PLAT: variants seen among roughly 807,000 people sequenced by gnomAD.
PLAT encodes tissue-type plasminogen activator.
PLAT carries 48 observed loss-of-function variants against 74.9 expected under a neutral mutation model. The observed-to-expected ratio is 0.64, with a 90% CI of 0.51 to 0.82. The LOEUF (loss-of-function observed/expected upper bound fraction) is 0.82. PLAT is among the 40% of genes least tolerant of loss of function. The pLI is 0.00. For synonymous variants in PLAT, 307 were observed against 294.4 expected (o/e 1.04, Z -0.44); for missense variants, 673 against 736.2 (o/e 0.91, Z 0.99).
chr8:42,196,181 G>A (rs574029368), intron 1 of PLAT, among the ~76,000 whole-genome samples: 8 of 152,320 alleles, frequency 5.3e-5, no homozygotes, highest in Non-Finnish European at 8.8e-5. Flanking sequence ...GGAGAAGCAC[G>A]ACCTAGGGCT....
chr8:42,181,746 C>T (rs1471101910), intron 9 of PLAT, among the ~76,000 whole-genome samples, 191 bp downstream of exon 9: 2 of 150,760 alleles, frequency 1.3e-5, no homozygotes, highest in African/African-American at 4.9e-5. Context: ...CTCCCCACCA[C>T]CCCCATGCAT....
At chr8:42,187,165 A>G (rs1805510171) in intron 6 of PLAT, 2 of 420,546 alleles carry the variant, frequency 4.8e-6, no homozygotes, top group East Asian at 3.4e-5. Flanking sequence ...CCGTCTATTT[A>G]TCATCTATCT....
At chr8:42,202,218 CAG>C (rs1274291425) in intron 1 of PLAT, among the ~76,000 whole-genome samples, 2 of 149,516 alleles carry the variant, frequency 1.3e-5, no homozygotes, top group Non-Finnish European at 3.0e-5. Context: ...TTTGTAGAGA[CAG>C]AGTCTTCGCT....
chr8:42,207,100 C>T (rs1455055735), intron 1 of PLAT, among the ~76,000 whole-genome samples: 1 of 152,202 alleles, frequency 6.6e-6, no homozygotes, highest in Non-Finnish European at 1.5e-5. Context: ...GCGGGCCCTC[C>T]CAGCTGTCAC....
At chr8:42,200,410 C>G (rs1353343996) in intron 1 of PLAT, among the ~76,000 whole-genome samples, 1 of 152,020 alleles carries the variant, frequency 6.6e-6, no homozygotes, top group African/African-American at 2.4e-5. Flanking sequence ...TGTGGTGGCT[C>G]ACATCTGTAA....
chr8:42,182,153 T>G, intron 8 of PLAT, 131 bp from the exon 9 acceptor site: 1 of 597,220 alleles, frequency 1.7e-6, no homozygotes, highest in Non-Finnish European at 3.0e-6. Flanking sequence ...TGCCTCAGCC[T>G]CCCAAAGTGC....
chr8:42,196,152 G>T (rs1428324354), intron 1 of PLAT, among the ~76,000 whole-genome samples: 1 of 152,182 alleles, frequency 6.6e-6, no homozygotes, highest in Non-Finnish European at 1.5e-5. Flanking sequence ...GATAACTAGG[G>T]GTGGGGGGAC....
At chr8:42,187,801 G>T in intron 5 of PLAT, 105 bp downstream of exon 5, 2 of 855,710 alleles carry the variant, frequency 2.3e-6, no homozygotes, top group South Asian at 3.1e-5. Flanking sequence ...CCTGTCCCTG[G>T]CCCCCACCCC....
chr8:42,182,555 T>A, intron 8 of PLAT, 164 bp downstream of exon 8: 2 of 552,498 alleles, frequency 3.6e-6, no homozygotes, highest in South Asian at 5.6e-5. Flanking sequence ...CTTTTCACAA[T>A]ATGTGTTATT....
Position 42,176,059 on chromosome 8 carries a change from A to G in PLAT, c.1623T>C (p.Asp541=). ...TAACCTTGGTGTACACACCCGGGACATCCTTCTGTCCACAGCCCAGGCCCC... is the reference window on the plus strand; with the variant it reads ...TAACCTTGGTGTACACACCCGGGACGTCCTTCTGTCCACAGCCCAGGCCCC... ...ISWGLGCGQK[D]VPGVYTKVTN... Residue 541 remains aspartate (D), a synonymous_variant, in exon 14 of 14, where the codon GAT becomes GAC. Transcript: ENST00000220809. The G allele has an allele frequency of 6.2e-7, 1 of 1,614,140 alleles. No homozygotes were observed. The highest frequency in any genetic ancestry group is 8.5e-7 in the Non-Finnish European group (1 of 1,179,982).
At chr8:42,193,742 G>A (rs1027924745) in intron 1 of PLAT, 7 of 152,448 alleles carry the variant, frequency 4.6e-5, no homozygotes, top group African/African-American at 9.8e-5. Flanking sequence ...TTAAGATGGA[G>A]TCTCGCTCTG....
intron 13 of PLAT, 113 bp from the exon 14 acceptor site, chr8:42,176,264 A>G (rs1564123840): frequency 1.4e-6 from 1 of 717,542 alleles, no homozygotes; most frequent in East Asian, 2.7e-5. Flanking sequence ...CCCTTCAATA[A>G]TATTCCATTC....
intron 3 of PLAT, 64 bp from the exon 4 acceptor site, chr8:42,189,135 T>C: frequency 1.9e-6 from 3 of 1,560,986 alleles, no homozygotes; most frequent in Non-Finnish European, 2.6e-6. Flanking sequence ...TCACTACCCT[T>C]GCACCTACTG....
At chr8:42,176,437 AGT>A (rs1295756467) in intron 13 of PLAT, among the ~76,000 whole-genome samples, 2 of 152,160 alleles carry the variant, frequency 1.3e-5, no homozygotes, top group Non-Finnish European at 2.9e-5. Context: ...AGTCTGAGTG[AGT>A]GTGGGTGTTA....
At chr8:42,187,607 G>T in intron 5 of PLAT, 35 bp from the exon 6 acceptor site, 1 of 1,546,460 alleles carries the variant, frequency 6.5e-7, no homozygotes, top group Non-Finnish European at 8.8e-7. Flanking sequence ...CCTCACATGG[G>T]AGTCCCCTTT....
rs1406142381 is a variant in PLAT at position 42,180,351 on chromosome 8, G to T, written c.1113C>A (p.Ile371=). ...GGACCACCCGGTATGTTCTGCCCAA[G>T]ATCACCGTCAGGTGGTGGGGCGGAA... The part of the protein sequence containing the change: ...ERFPPHHLTV[I]LGRTYRVVPG... The change falls in exon 11 of 14, where the codon ATC becomes ATA. Residue 371 remains isoleucine (I), a synonymous_variant. Coordinates refer to ENST00000220809, the MANE Select transcript of PLAT (RefSeq NM_000930.5). The T allele has an allele frequency of 6.2e-7, 1 of 1,614,242 alleles. No homozygotes were observed. The highest frequency in any genetic ancestry group is 1.7e-5 in the Admixed American group (1 of 60,036).
chr8:42,192,670 G>A (rs548673785), intron 2 of PLAT, among the ~76,000 whole-genome samples: 1 of 152,278 alleles, frequency 6.6e-6, no homozygotes, highest in Admixed American at 6.5e-5. Flanking sequence ...GTATACAGGA[G>A]GGTGTGCATA....
intron 1 of PLAT, among the ~76,000 whole-genome samples, chr8:42,194,215 TGAGAGAGAGAGAGA>T (rs140537859): frequency 8.3e-6 from 1 of 119,876 alleles, no homozygotes; most frequent in Non-Finnish European, 1.6e-5. Flanking sequence ...TGTGCCTGGC[TGAGAGAGAGAGAGA>T]GAGAGAGAGA....
At position 42,187,456 on chromosome 8, in the gene PLAT, A is replaced by G. The variant is rs979716399; in HGVS notation, c.481T>C (p.Tyr161His). Residue 161 changes from tyrosine to histidine, a missense_variant, in exon 6 of 14, where the codon TAC becomes CAC. Transcript: ENST00000220809. ...WNSSALAQKP[Y>H]SGRRPDAIRL... ...ATGGCGTCTGGCCTCCGCCCGCTGT[A>G]GGGCTTCTGGGCCAACGCGCTGCTG... The G allele has an allele frequency of 1.2e-6, 2 of 1,606,342 alleles. No individual in the cohort carries two copies.
Sources: gnomAD v4.1 joint callset for allele counts (sites outside exome capture counted in the v4.1 genomes callset) on GRCh38, gnomAD v4.1.1 for gene constraint, MANE v1.5 for transcripts, NCBI Gene and HGNC (gene_info 2026-07-23, HGNC 2026-07-21) for gene names.